The following NALF1 variants were observed in gnomAD, a reference collection of about 807,000 sequenced individuals.
The protein encoded by NALF1 is family with sequence similarity 155 member A.
A neutral mutation model predicts 48.4 loss-of-function variants in NALF1; 3 were observed. The observed-to-expected ratio is 0.06, with a 90% CI of 0.03 to 0.16. The LOEUF (loss-of-function observed/expected upper bound fraction) is 0.16, where lower values mean the gene tolerates loss of function less well. Among genes scored for constraint, NALF1 ranks in the 10% least tolerant of loss-of-function variants. NALF1 has a pLI of 1.00. For missense variants in NALF1, 526 were observed against 571.5 expected (o/e 0.92, Z 0.81); for synonymous variants, 262 against 245.7 (o/e 1.07, Z -0.62).
chr13:107,478,366 T>C (rs1156887950), intron 1 of NALF1, among the ~76,000 whole-genome samples: 1 of 152,132 alleles, frequency 6.6e-6, no homozygotes, highest in Non-Finnish European at 1.5e-5. Context: ...CAACAAAATC[T>C]AATCATGTAA....
chr13:107,579,677 T>TTC (rs150388388), intron 1 of NALF1, among the ~76,000 whole-genome samples: 43 of 748 alleles, frequency 0.057, no homozygotes, highest in African/African-American at 0.22. Context: ...GATTTCATAT[T>TTC]TTTTTTTTAT....
At chr13:107,212,578 AG>A (rs754716950) in intron 1 of NALF1, among the ~76,000 whole-genome samples, 108 of 152,336 alleles carry the variant, frequency 7.1e-4, no homozygotes, top group Middle Eastern at 3.4e-3. Flanking sequence ...CACCAGCTTC[AG>A]AAGAAAAAGT....
At chr13:107,692,448 T>C (rs1427574356) in intron 1 of NALF1, among the ~76,000 whole-genome samples, 1 of 152,190 alleles carries the variant, frequency 6.6e-6, no homozygotes, top group Non-Finnish European at 1.5e-5. Context: ...TTTTTTTTCA[T>C]TTAAAACCTC....
In NALF1 at chr13:107,223,514, A is replaced by G. The variant is rs1880037113; in HGVS notation, c.916-12759T>C. On this transcript the variant is annotated intron_variant, in intron 1 of 2. Transcript: ENST00000375915. ...GTTATTGTCTAAAAGCTGAGAAAAC[A>G]TATGTCTTTAAATGGGAAGATTCAG... Among the ~76,000 whole-genome samples the G allele has an allele frequency of 2.0e-5, 3 of 152,224 alleles. No homozygotes were observed. The South Asian group carries it at 6.2e-4, about 32-fold the overall frequency.
At chr13:107,784,431 T>C (rs781146448) in intron 1 of NALF1, among the ~76,000 whole-genome samples, 3 of 152,192 alleles carry the variant, frequency 2.0e-5, no homozygotes, top group Non-Finnish European at 4.4e-5. Flanking sequence ...TTCTTCTTTA[T>C]ATAGAATAGA....
In NALF1 at chr13:107,362,165, T is replaced by C. The variant is rs1883073371; in HGVS notation, c.916-151410A>G. Among the ~76,000 whole-genome samples, 1 of 152,190 alleles carries C rather than the reference T, an allele frequency of 6.6e-6. No homozygotes were observed. Among genetic ancestry groups the C allele is most frequent in the South Asian group, 2.1e-4 (1 of 4,830 alleles). On this transcript the variant is annotated intron_variant, in intron 1 of 2. Transcript: ENST00000375915. The surrounding 1 kb of genome is among the most constrained non-coding windows in gnomAD (Gnocchi z 4.6). ...TTACTCGAAAATAATCTACCCTTAT[T>C]GACTGATTCTCCAAATGACAAGGTT...
chr13:107,771,461 T>A (rs1033516169), intron 1 of NALF1, among the ~76,000 whole-genome samples: 8 of 149,308 alleles, frequency 5.4e-5, no homozygotes, highest in Non-Finnish European at 1.2e-4. Flanking sequence ...AATGTATATA[T>A]GTATGCATAT....
intron 1 of NALF1, among the ~76,000 whole-genome samples, chr13:107,855,065 A>G (rs770950461): frequency 1.3e-5 from 2 of 152,110 alleles, no homozygotes; most frequent in Non-Finnish European, 2.9e-5. Flanking sequence ...GAGGTGTAGC[A>G]GGGAGTGGTC....
intron 1 of NALF1, among the ~76,000 whole-genome samples, chr13:107,512,768 G>GT (rs1875938448): frequency 6.6e-6 from 1 of 152,168 alleles, no homozygotes. Context: ...GGGGTGGTAA[G>GT]TAACTCCAGA....
At chr13:107,320,646 T>A (rs1052126682) in intron 1 of NALF1, among the ~76,000 whole-genome samples, 1 of 152,126 alleles carries the variant, frequency 6.6e-6, no homozygotes, top group East Asian at 1.9e-4. Context: ...GTAAAGAATG[T>A]TGGTTTATGG....
chr13:107,209,540 C>A (rs144624893), intron 2 of NALF1, among the ~76,000 whole-genome samples: 2 of 151,978 alleles, frequency 1.3e-5, no homozygotes, highest in Non-Finnish European at 2.9e-5. Flanking sequence ...GTTCTTAGGG[C>A]GAGCTTTGGC....
At position 107,340,468 on chromosome 13, in the gene NALF1, TC is replaced by T. The variant is rs1566489709; in HGVS notation, c.916-129714del. On this transcript the variant is annotated intron_variant, in intron 1 of 2. Transcript: ENST00000375915. ...TCTCTTTCTTTCTTTCTTTCTTTCT[TC>T]TCTCTTTCTTTCTTTCTTTTTGTCT... Among the ~76,000 whole-genome samples the T allele has an allele frequency of 1.5e-3, 57 of 38,638 alleles. 1 individual carries two copies. Among genetic ancestry groups the T allele is most frequent in the African/African-American group, 2.7e-3 (51 of 18,876 alleles). The allele number at this position is 38,638 out of a possible 152,430, so 25.3% of individuals were successfully genotyped here. A position where few individuals can be genotyped will look rare whatever the true frequency, so the allele number is the denominator to read the frequency against.
At chr13:107,197,607 AT>A (rs1172311019) in intron 2 of NALF1, among the ~76,000 whole-genome samples, 1 of 152,162 alleles carries the variant, frequency 6.6e-6, no homozygotes, top group Admixed American at 6.5e-5. Context: ...TCGTGTCTGC[AT>A]TCTCCCTTCA....
At chr13:107,435,789 G>T (rs1417130042) in intron 1 of NALF1, among the ~76,000 whole-genome samples, 2 of 151,708 alleles carry the variant, frequency 1.3e-5, no homozygotes, top group Non-Finnish European at 2.9e-5. Context: ...GGGAAGGAAA[G>T]CGGCGGGGGA....
intron 1 of NALF1, among the ~76,000 whole-genome samples, chr13:107,435,157 C>A (rs1042168827): frequency 6.6e-6 from 1 of 152,006 alleles, no homozygotes; most frequent in Admixed American, 6.6e-5. Flanking sequence ...AATACACAGA[C>A]AAAAAGCCCA....
At chr13:107,736,937 A>G (rs1252032132) in intron 1 of NALF1, among the ~76,000 whole-genome samples, 1 of 152,220 alleles carries the variant, frequency 6.6e-6, no homozygotes, top group East Asian at 1.9e-4. Flanking sequence ...ATTCCCACAC[A>G]GCGAGGAAAC....
At chr13:107,788,252 C>A (rs559411343) in intron 1 of NALF1, 1 of 152,126 alleles carries the variant, frequency 6.6e-6, no homozygotes, top group South Asian at 2.1e-4. Flanking sequence ...TTATTATCTG[C>A]GTGTCTCATT....
At chr13:107,210,238 A>T (rs796789117) in intron 2 of NALF1, among the ~76,000 whole-genome samples, 3 of 152,214 alleles carry the variant, frequency 2.0e-5, no homozygotes, top group Non-Finnish European at 4.4e-5. Flanking sequence ...GCCTTAGCAC[A>T]TCTCCTGTTC....
At chr13:107,774,697 C>G (rs1207201580) in intron 1 of NALF1, among the ~76,000 whole-genome samples, 2 of 152,088 alleles carry the variant, frequency 1.3e-5, no homozygotes, top group African/African-American at 4.8e-5. Flanking sequence ...AGCTTCAGTG[C>G]TAGGTAGTGG....
Sources: allele counts gnomAD v4.1 joint callset (sites outside exome capture counted in the v4.1 genomes callset), GRCh38; gene constraint gnomAD v4.1.1; non-coding constraint Gnocchi (gnomAD v3.1); transcripts MANE v1.5; gene names NCBI Gene and HGNC (gene_info 2026-07-23, HGNC 2026-07-21).